ZRANB3: variants seen among roughly 807,000 people sequenced by gnomAD.
ZRANB3 encodes DNA annealing helicase and endonuclease ZRANB3.
In ZRANB3, 125 loss-of-function variants were observed where a neutral mutation model predicts 133.8. That is an observed-to-expected ratio of 0.93 (90% CI 0.81 to 1.08). The LOEUF (loss-of-function observed/expected upper bound fraction) is 1.08, where lower values mean the gene tolerates loss of function less well. Ranked by LOEUF, ZRANB3 falls within the 50% of genes least tolerant of loss-of-function variation. ZRANB3 has a pLI of 0.00. For missense variants in ZRANB3, 1,229 were observed against 1,275.5 expected (o/e 0.96, Z 0.56); for synonymous variants, 387 against 432.7 (o/e 0.89, Z 1.31).
chr2:135,468,770 T>C (rs568076241), intron 2 of ZRANB3, among the ~76,000 whole-genome samples: 141 of 152,354 alleles, frequency 9.3e-4, no homozygotes, highest in African/African-American at 3.0e-3. Flanking sequence ...ATCATTAAGC[T>C]AGAAAGACAA....
chr2:135,389,704 C>CA (rs1687137886), intron 3 of ZRANB3, among the ~76,000 whole-genome samples: 1 of 151,920 alleles, frequency 6.6e-6, no homozygotes, highest in East Asian at 1.9e-4. Context: ...GATTCCGTCT[C>CA]AAAAGAAGAG....
At position 135,275,703 on chromosome 2, in the gene ZRANB3, T is replaced by G. The variant is rs1016344597; in HGVS notation, c.1019A>C (p.Lys340Thr). 1.9e-6 allele frequency: 3 copies of G among 1,607,614 alleles called. No homozygotes were observed. Among genetic ancestry groups the G allele is most frequent in the East Asian group, 2.2e-5 (1 of 44,620 alleles). The change falls in exon 9 of 21, where the codon AAA (lysine) becomes ACA (threonine). Residue 340 changes from lysine (K) to threonine (T), a missense_variant. Transcript: ENST00000264159. The part of the protein sequence containing the change: ...IKMMLQNDSL[K>T]FLVFAHHLSM... ...TAAATGGTGAGCAAAAACCAGAAAT[T>G]TAAGCGAATCATTCTGAAGCATCAT...
chr2:135,326,799 C>T (rs1032216880), intron 6 of ZRANB3, among the ~76,000 whole-genome samples: 2 of 148,906 alleles, frequency 1.3e-5, no homozygotes, highest in African/African-American at 5.0e-5. Flanking sequence ...ACTCAGGAGG[C>T]TGAGGCAGGG....
intron 2 of ZRANB3, among the ~76,000 whole-genome samples, chr2:135,447,186 G>A (rs1381720686): frequency 6.6e-6 from 1 of 151,952 alleles, no homozygotes; most frequent in Admixed American, 6.6e-5. Context: ...GATTACAGGC[G>A]CGCCACCAAA....
chr2:135,510,251 T>C (rs1693389673), intron 1 of ZRANB3, among the ~76,000 whole-genome samples: 1 of 152,060 alleles, frequency 6.6e-6, no homozygotes, highest in African/African-American at 2.4e-5. Flanking sequence ...AAAAATCCAG[T>C]CTGTACATGC....
chr2:135,308,726 A>G (rs1348850213), intron 8 of ZRANB3, among the ~76,000 whole-genome samples: 1 of 152,158 alleles, frequency 6.6e-6, no homozygotes, highest in African/African-American at 2.4e-5. Context: ...TCGGCTTCCC[A>G]AAGTGCTGGG....
At chr2:135,204,874 A>G (rs1307887590) in intron 19 of ZRANB3, among the ~76,000 whole-genome samples, 5 of 151,094 alleles carry the variant, frequency 3.3e-5, no homozygotes, top group Non-Finnish European at 5.9e-5. Flanking sequence ...TTTGTTTTAG[A>G]TGTCTATTAT....
intron 2 of ZRANB3, among the ~76,000 whole-genome samples, chr2:135,478,907 C>T (rs1691627765): frequency 6.6e-6 from 1 of 151,506 alleles, no homozygotes. Context: ...ATTTTATGTT[C>T]TATATGTATA....
rs17330167 is a variant in ZRANB3 at position 135,388,571 on chromosome 2, A to G, written c.180+2231T>C. Among the ~76,000 whole-genome samples, 931 of 152,256 alleles carry G rather than the reference A, an allele frequency of 6.1e-3. 8 individuals carry two copies. Among genetic ancestry groups the G allele is most frequent in the South Asian group, 0.042 (202 of 4,820 alleles). On this transcript the variant is annotated intron_variant, in intron 3 of 20. Transcript: ENST00000264159. Reference sequence around the variant, plus strand: ...TGTGGACCTCAGCTGGTCTGTTTGGAAAAGAATTTATACACATGCATATAC... The same window carrying G: ...TGTGGACCTCAGCTGGTCTGTTTGGGAAAGAATTTATACACATGCATATAC...
intron 3 of ZRANB3, among the ~76,000 whole-genome samples, chr2:135,354,444 A>T (rs922167365): frequency 6.6e-6 from 1 of 152,222 alleles, no homozygotes; most frequent in African/African-American, 2.4e-5. Flanking sequence ...CCTGACTTCT[A>T]AGCTGTTCCA....
At chr2:135,224,718 T>C (rs1304248492) in intron 14 of ZRANB3, among the ~76,000 whole-genome samples, 6 of 152,206 alleles carry the variant, frequency 3.9e-5, no homozygotes, top group African/African-American at 7.2e-5. Flanking sequence ...GGTAACCAAT[T>C]GTTTTACATT....
intron 2 of ZRANB3, among the ~76,000 whole-genome samples, chr2:135,428,884 A>G (rs1382765725): frequency 6.6e-6 from 1 of 152,202 alleles, no homozygotes. Context: ...CCAAAGAATA[A>G]CAGATGCTGG....
At chr2:135,408,072 C>A (rs550961393) in intron 2 of ZRANB3, among the ~76,000 whole-genome samples, 167 of 151,434 alleles carry the variant, frequency 1.1e-3, no homozygotes, top group African/African-American at 3.1e-3. Context: ...TGCAATCTAC[C>A]CATCTGACAA....
intron 2 of ZRANB3, among the ~76,000 whole-genome samples, chr2:135,472,285 G>C (rs1263067007): frequency 6.6e-6 from 1 of 152,106 alleles, no homozygotes; most frequent in Non-Finnish European, 1.5e-5. Flanking sequence ...CAGATCACAA[G>C]GTCAGGAGAT....
At chr2:135,208,844 A>G in intron 18 of ZRANB3, 24 bp downstream of exon 18, 1 of 1,519,518 alleles carries the variant, frequency 6.6e-7, no homozygotes. Context: ...GTACTACTAT[A>G]TACTAGTAGT....
chr2:135,450,930 C>T (rs1690240603), intron 2 of ZRANB3, among the ~76,000 whole-genome samples: 1 of 152,186 alleles, frequency 6.6e-6, no homozygotes, highest in African/African-American at 2.4e-5. Context: ...GCCTAGTACT[C>T]TTCAATGCAT....
At chr2:135,214,552 TCA>T (rs1694229577) in intron 17 of ZRANB3, among the ~76,000 whole-genome samples, 1 of 152,076 alleles carries the variant, frequency 6.6e-6, no homozygotes, top group Non-Finnish European at 1.5e-5. Flanking sequence ...AGCTAGAAAT[TCA>T]GTTATGAAAA....
chr2:135,400,121 T>A (rs773697900), intron 2 of ZRANB3, among the ~76,000 whole-genome samples: 42 of 151,932 alleles, frequency 2.8e-4, no homozygotes, highest in Non-Finnish European at 7.4e-5. Flanking sequence ...GCTCCTATAA[T>A]CCCAGCTACT....
chr2:135,510,078 A>C (rs1693378930), intron 1 of ZRANB3, among the ~76,000 whole-genome samples: 1 of 152,242 alleles, frequency 6.6e-6, no homozygotes. Context: ...ACTCTCAAAG[A>C]AGTAACAATT....
Sources: gnomAD v4.1 joint callset for allele counts (sites outside exome capture counted in the v4.1 genomes callset) on GRCh38, gnomAD v4.1.1 for gene constraint, MANE v1.5 for transcripts, NCBI Gene and HGNC (gene_info 2026-07-23, HGNC 2026-07-21) for gene names.